NPL: variants seen among roughly 807,000 people sequenced by gnomAD.
NPL encodes the protein N-acetylneuraminate pyruvate lyase, also known as N-acetylneuraminate lyase.
A neutral mutation model predicts 41.1 loss-of-function variants in NPL; 32 were observed. The ratio of observed to expected loss-of-function variants is 0.78; its 90% confidence interval spans 0.59 to 1.05. The LOEUF is 1.05. Among genes scored for constraint, NPL ranks in the 50% least tolerant of loss-of-function variants. The probability of loss-of-function intolerance (pLI) is 0.00; values close to 1 mark genes in which losing one functional copy is unlikely to be tolerated. For synonymous variants in NPL, 128 were observed against 134.9 expected (o/e 0.95, Z 0.35); for missense variants, 321 against 378.4 (o/e 0.85, Z 1.26).
intron 3 of NPL, among the ~76,000 whole-genome samples, chr1:182,803,155 C>G (rs1331017672): frequency 1.3e-5 from 2 of 152,082 alleles, no homozygotes; most frequent in African/African-American, 4.8e-5. Flanking sequence ...TAATGACTTC[C>G]TAATAATTGA....
chr1:182,823,481 C>T (rs1667544715), intron 11 of NPL, among the ~76,000 whole-genome samples: 1 of 152,182 alleles, frequency 6.6e-6, no homozygotes, highest in Non-Finnish European at 1.5e-5. Context: ...CCTTTGTCCT[C>T]AGACCAAGTG....
chr1:182,806,881 G>A (rs1486334636), intron 5 of NPL, among the ~76,000 whole-genome samples: 1 of 152,012 alleles, frequency 6.6e-6, no homozygotes, highest in Non-Finnish European at 1.5e-5. Context: ...TTGCTCTGTC[G>A]CCCAGGCTGG....
intron 10 of NPL, among the ~76,000 whole-genome samples, chr1:182,820,782 C>T (rs1466266835): frequency 6.6e-6 from 1 of 152,152 alleles, no homozygotes; most frequent in African/African-American, 2.4e-5. Context: ...TGAGAAACTG[C>T]CCCTGTAATC....
chr1:182,796,719 C>T (rs1666678591), intron 3 of NPL, among the ~76,000 whole-genome samples: 1 of 152,012 alleles, frequency 6.6e-6, no homozygotes, highest in South Asian at 2.1e-4. Context: ...GCTCTCCGAC[C>T]CTGGGGAGAT....
intron 10 of NPL, among the ~76,000 whole-genome samples, chr1:182,821,756 G>A (rs1331759185): frequency 1.3e-5 from 2 of 152,094 alleles, no homozygotes; most frequent in African/African-American, 4.8e-5. Flanking sequence ...AGGCTTTTAG[G>A]ACTCACCTCA....
chr1:182,795,260 T>G (rs1464015820), intron 3 of NPL, among the ~76,000 whole-genome samples: 2 of 152,208 alleles, frequency 1.3e-5, no homozygotes, highest in Non-Finnish European at 2.9e-5. Context: ...TTATTTAAGC[T>G]TCTCCTTTCT....
chr1:182,799,147 C>A (rs1315252227), intron 3 of NPL, among the ~76,000 whole-genome samples: 1 of 152,108 alleles, frequency 6.6e-6, no homozygotes, highest in African/African-American at 2.4e-5. Flanking sequence ...ATTCTATTAC[C>A]CTTTTACCGT....
rs749090093 is a variant in NPL at position 182,814,859 on chromosome 1, G to A, written c.364+1G>A. On this transcript the variant is annotated splice_donor_variant, in intron 7 of 12. Coordinates refer to ENST00000367553, the MANE Select transcript of NPL (RefSeq NM_030769.3). LOFTEE classifies it high-confidence loss of function. ...TTCTTCCTCAAGCCATGGACCAAAG[G>A]TAAGTAGATAGGTCTGAATGCATGG... is the stretch of plus-strand genomic sequence containing the variant. 6.2e-7 allele frequency: 1 copy of A among 1,612,816 alleles called. No individual in the cohort carries two copies. The highest frequency in any genetic ancestry group is 2.2e-5 in the East Asian group (1 of 44,874).
chr1:182,816,028 C>T (rs12078056), intron 7 of NPL, among the ~76,000 whole-genome samples: 12,374 of 152,250 alleles, frequency 0.081, 1,352 homozygotes, highest in African/African-American at 0.25. Flanking sequence ...GAATACACAT[C>T]GTAACAGTAT....
intron 4 of NPL, among the ~76,000 whole-genome samples, 181 bp from the exon 5 acceptor site, chr1:182,805,964 C>T (rs751620161): frequency 2.6e-5 from 4 of 152,178 alleles, no homozygotes; most frequent in Non-Finnish European, 5.9e-5. Context: ...ATTAACCTTC[C>T]CACTGCCTTT....
At position 182,829,679 on chromosome 1, in the gene NPL, A is replaced by G. The variant is rs1333153301; in HGVS notation, c.*771A>G. 2.0e-6 allele frequency: 3 copies of G among 1,519,436 alleles called. No homozygotes were observed. In the Admixed American group the frequency reaches 5.9e-5, roughly 30 times the overall value. 94.1% of individuals were successfully genotyped at this position (1,519,436 alleles called of 1,614,324 possible). On this transcript the variant is annotated 3_prime_UTR_variant, in exon 13 of 13. Transcript: ENST00000367553. ...CCACAAACTTCCCCTTCCTCCACTG[A>G]GAAGACTGTCTCTCCCGCAGGACCC... is the stretch of plus-strand genomic sequence containing the variant.
intron 3 of NPL, among the ~76,000 whole-genome samples, chr1:182,800,585 C>CA (rs1257836552): frequency 2.0e-5 from 3 of 152,060 alleles, no homozygotes; most frequent in Non-Finnish European, 4.4e-5. Context: ...CTGAGCATCC[C>CA]AGCCCAAGGC....
intron 6 of NPL, 46 bp downstream of exon 6, chr1:182,812,259 A>G: frequency 1.3e-6 from 2 of 1,515,260 alleles, no homozygotes; most frequent in Non-Finnish European, 9.2e-7. Flanking sequence ...AGGGGCCTCC[A>G]TTTTTATGCC....
intron 2 of NPL, among the ~76,000 whole-genome samples, chr1:182,794,150 T>C (rs1259835216): frequency 6.6e-6 from 1 of 152,232 alleles, no homozygotes; most frequent in African/African-American, 2.4e-5. Flanking sequence ...GTCCACGTAG[T>C]ATTTTCTCAA....
In NPL at chr1:182,814,791, T is replaced by A. The variant is rs1175783323; in HGVS notation, c.297T>A (p.His99Gln). 1.9e-6 allele frequency: 3 copies of A among 1,614,084 alleles called. No individual in the cohort carries two copies. The highest frequency in any genetic ancestry group is 2.5e-6 in the Non-Finnish European group (3 of 1,179,936). The stretch of plus-strand genomic sequence containing the variant: ...TCTTTCTTCCTTTAAAGGCCCAACA[T>A]GCAGCAGAAATAGGAGCTGATGGCA... ...SLKESQELAQ[H>Q]AAEIGADGIA... Residue 99 changes from histidine (H) to glutamine (Q), a missense_variant, in exon 7 of 13, where the codon CAT becomes CAA. Transcript: ENST00000367553.
chr1:182,800,281 C>A (rs890336879), intron 3 of NPL, among the ~76,000 whole-genome samples: 6 of 151,598 alleles, frequency 4.0e-5, no homozygotes, highest in African/African-American at 1.5e-4. Context: ...ACAAAAAATA[C>A]AAAAATTAGC....
At position 182,829,691 on chromosome 1, in the gene NPL, C is replaced by T. The variant is rs146992913; in HGVS notation, c.*783C>T. The T allele has an allele frequency of 6.2e-5, 90 of 1,448,746 alleles. No homozygotes were observed. In the African/African-American group the frequency reaches 1.0e-3, roughly 16 times the overall value. 89.7% of individuals were successfully genotyped at this position (1,448,746 alleles called of 1,614,324 possible). On this transcript the variant is annotated 3_prime_UTR_variant, in exon 13 of 13. Transcript: ENST00000367553. Reference sequence around the variant, plus strand: ...CCTTCCTCCACTGAGAAGACTGTCTCTCCCGCAGGACCCTGAATTATTGAA... The same window carrying T: ...CCTTCCTCCACTGAGAAGACTGTCTTTCCCGCAGGACCCTGAATTATTGAA...
rs573372270 is a variant in NPL at position 182,830,056 on chromosome 1, G to C, written c.*1148G>C. ...TGTTTTGATCATTGGCAGAGAAAGA[G>C]TATTTGAAATTCATATCAGTTTTGC... On this transcript the variant is annotated 3_prime_UTR_variant, in exon 13 of 13. Coordinates refer to ENST00000367553, the MANE Select transcript of NPL (RefSeq NM_030769.3). The C allele has an allele frequency of 6.4e-6, 1 of 156,560 alleles. No homozygotes were observed. Among genetic ancestry groups the C allele is most frequent in the Admixed American group, 6.5e-5 (1 of 15,486 alleles). 9.7% of individuals were successfully genotyped at this position (156,560 alleles called of 1,614,324 possible).
Position 182,828,712 on chromosome 1 carries a change from T to C in NPL, c.779-12T>C. ...TACCAGTCATGTTTCCTCATTTGTT[T>C]TTCCCGTCTAGGTTTTGGAGTGTCA... On this transcript the variant is annotated splice_polypyrimidine_tract_variant and intron_variant, in intron 12 of 12. Transcript: ENST00000367553. The surrounding 1 kb of genome is among the most constrained non-coding windows in gnomAD (Gnocchi z 4.0). The C allele has an allele frequency of 6.2e-7, 1 of 1,614,222 alleles. No individual in the cohort carries two copies.
Sources: gnomAD v4.1 joint callset for allele counts (sites outside exome capture counted in the v4.1 genomes callset) on GRCh38, gnomAD v4.1.1 for gene constraint, Gnocchi (gnomAD v3.1) non-coding constraint, MANE v1.5 for transcripts, NCBI Gene and HGNC (gene_info 2026-07-23, HGNC 2026-07-21) for gene names.